GORAB: variants seen among roughly 807,000 people sequenced by gnomAD.
GORAB encodes the protein golgin, RAB6 interacting.
GORAB carries 17 observed loss-of-function variants against 29.9 expected under a neutral mutation model. The ratio of observed to expected loss-of-function variants is 0.57; its 90% CI spans 0.39 to 0.85. The LOEUF is 0.85. Ranked by LOEUF, GORAB falls within the 40% of genes least tolerant of loss-of-function variation. GORAB has a pLI of 0.00. For missense variants in GORAB, 442 were observed against 437.8 expected (o/e 1.01, Z -0.09); for synonymous variants, 183 against 157.2 (o/e 1.16, Z -1.23).
intron 2 of GORAB, 47 bp downstream of exon 2, chr1:170,539,614 G>A (rs780849437): frequency 2.6e-5 from 42 of 1,589,492 alleles, no homozygotes; most frequent in Non-Finnish European, 3.3e-5. Context: ...CATTTAACCC[G>A]TTTTTTCCCA....
rs1171025327 is a variant in GORAB, at chr1:170,544,702, T to C, written c.522-3T>C. Reference sequence around the variant, plus strand: ...TTTCCCACTCACATACCTGATTTTCTAGATCCAAAAGAACTCAGGCAGAGA... The same window carrying C: ...TTTCCCACTCACATACCTGATTTTCCAGATCCAAAAGAACTCAGGCAGAGA... On this transcript the variant is annotated splice_region_variant and splice_polypyrimidine_tract_variant and intron_variant, in intron 3 of 4. Coordinates refer to ENST00000367763, the MANE Select transcript of GORAB (RefSeq NM_152281.3). The C allele has an allele frequency of 6.2e-7, 1 of 1,613,840 alleles. No homozygotes were observed. Among genetic ancestry groups the C allele is most frequent in the South Asian group, 1.1e-5 (1 of 91,068 alleles).
At chr1:170,537,092 T>C (rs528074546) in intron 1 of GORAB, among the ~76,000 whole-genome samples, 2 of 152,270 alleles carry the variant, frequency 1.3e-5, no homozygotes, top group African/African-American at 4.8e-5. Flanking sequence ...TCTTCCTGCC[T>C]GCCTTCCTTT....
intron 1 of GORAB, among the ~76,000 whole-genome samples, chr1:170,537,840 A>G (rs1430669899): frequency 6.6e-6 from 1 of 152,196 alleles, no homozygotes; most frequent in Non-Finnish European, 1.5e-5. Flanking sequence ...TCTTATAGGT[A>G]GGTTCTGTAA....
chr1:170,540,728 G>A (rs1283977546), intron 2 of GORAB, among the ~76,000 whole-genome samples: 1 of 151,956 alleles, frequency 6.6e-6, no homozygotes, highest in Non-Finnish European at 1.5e-5. Context: ...TTCTTTTTTT[G>A]GATACTTGGA....
intron 1 of GORAB, among the ~76,000 whole-genome samples, chr1:170,537,614 C>T (rs1416308381): frequency 2.0e-5 from 3 of 152,086 alleles, no homozygotes; most frequent in Non-Finnish European, 4.4e-5. Context: ...TCATAAAAAT[C>T]AAAATATCTG....
At chr1:170,544,564 T>C (rs1360312256) in intron 3 of GORAB, 141 bp from the exon 4 acceptor site, 2 of 602,358 alleles carry the variant, frequency 3.3e-6, no homozygotes, top group Non-Finnish European at 5.4e-6. Flanking sequence ...TTACTTTATT[T>C]CAATTTTTCT....
chr1:170,546,691 T>G (rs1259361740), intron 4 of GORAB, among the ~76,000 whole-genome samples: 1 of 152,132 alleles, frequency 6.6e-6, no homozygotes, highest in East Asian at 1.9e-4. Flanking sequence ...TGTTTTTATT[T>G]TTAGGTTTTT....
rs1175897272 is a variant in GORAB at position 170,553,364 on chromosome 1, T to G, written c.*902T>G. 10 of 446,560 alleles carry G rather than the reference T, an allele frequency of 2.2e-5. No homozygotes were observed. The highest frequency in any genetic ancestry group is 1.6e-4 in the South Asian group (10 of 63,650). 27.7% of individuals were successfully genotyped at this position (446,560 alleles called of 1,614,324 possible). ...TAAAATGCTGATTTTCTTATTAGTT[T>G]GTTAATTGCCTGTTACTAGTACTTG... On this transcript the variant is annotated 3_prime_UTR_variant, in exon 5 of 5. Coordinates refer to ENST00000367763, the MANE Select transcript of GORAB (RefSeq NM_152281.3).
rs770355472 is a variant in GORAB, at chr1:170,539,227, C to G, written c.79C>G (p.Arg27Gly). 1.7e-5 allele frequency: 27 copies of G among 1,613,936 alleles called. 1 individual carries two copies. In the Admixed American group the frequency reaches 4.2e-4, roughly 25 times the overall value. Residue 27 changes from arginine (R) to glycine (G), a missense_variant, in exon 2 of 5, where the codon CGA (arginine) becomes GGA (glycine). Transcript: ENST00000367763. ...TTACATAGATCCATTTGAACCACAG[C>G]GACGTCTCCCCGCGAAGAAAAGTCG... ...KQTKDPFEPQ[R>G]RLPAKKSRQQ...
chr1:170,550,991 A>G (rs985152647), intron 4 of GORAB, among the ~76,000 whole-genome samples: 1 of 152,220 alleles, frequency 6.6e-6, no homozygotes, highest in African/African-American at 2.4e-5. Flanking sequence ...CTCTAGTAGA[A>G]TTGCCCTATT....
intron 1 of GORAB, chr1:170,536,130 G>A (rs1432482014): frequency 6.6e-6 from 1 of 152,008 alleles, no homozygotes; most frequent in African/African-American, 2.4e-5. Flanking sequence ...CGTGGTATAT[G>A]TCTCCGTTTA....
intron 4 of GORAB, among the ~76,000 whole-genome samples, chr1:170,550,838 A>G (rs1650057530): frequency 6.6e-6 from 1 of 152,206 alleles, no homozygotes; most frequent in African/African-American, 2.4e-5. Flanking sequence ...TTTTTCTTGC[A>G]AGAGAGGAAG....
intron 4 of GORAB, among the ~76,000 whole-genome samples, chr1:170,549,342 CTG>C (rs1237256361): frequency 6.6e-6 from 1 of 152,094 alleles, no homozygotes; most frequent in African/African-American, 2.4e-5. Context: ...TTAAATCACT[CTG>C]TGGGAGAATA....
At chr1:170,544,171 CTAG>C (rs2101826822) in intron 3 of GORAB, among the ~76,000 whole-genome samples, 1 of 152,232 alleles carries the variant, frequency 6.6e-6, no homozygotes, top group Admixed American at 6.5e-5. Flanking sequence ...ATTTTCGTAA[CTAG>C]TAGTTTTCCT....
intron 3 of GORAB, 54 bp downstream of exon 3, chr1:170,542,646 T>C: frequency 8.8e-7 from 1 of 1,136,382 alleles, no homozygotes; most frequent in Admixed American, 1.7e-5. Context: ...AGTTGTGTCA[T>C]GTGTTATATT....
At chr1:170,538,139 TAATTTTCA>T (rs1425298053) in intron 1 of GORAB, among the ~76,000 whole-genome samples, 1 of 152,240 alleles carries the variant, frequency 6.6e-6, no homozygotes, top group Non-Finnish European at 1.5e-5. Context: ...TAGAGCAGGT[TAATTTTCA>T]ACCAGCTTGA....
chr1:170,544,961 G>A, intron 4 of GORAB, 116 bp downstream of exon 4: 1 of 1,477,850 alleles, frequency 6.8e-7, no homozygotes. Context: ...ACCCCATTCA[G>A]TGCTGTATTT....
intron 4 of GORAB, among the ~76,000 whole-genome samples, chr1:170,546,352 T>G (rs1649762798): frequency 1.3e-5 from 2 of 151,510 alleles, no homozygotes; most frequent in African/African-American, 4.9e-5. Flanking sequence ...ATTGCGCCAC[T>G]GCACTCCAGC....
chr1:170,532,458 G>A, intron 1 of GORAB, 174 bp downstream of exon 1: 1 of 685,718 alleles, frequency 1.5e-6, no homozygotes, highest in Non-Finnish European at 2.5e-6. Context: ...TGGGAGTCAC[G>A]ACGGGAGGGG....
Sources: gnomAD v4.1 joint callset for allele counts (sites outside exome capture counted in the v4.1 genomes callset) on GRCh38, gnomAD v4.1.1 for gene constraint, MANE v1.5 for transcripts, NCBI Gene and HGNC (gene_info 2026-07-23, HGNC 2026-07-21) for gene names.